The following LRBA variants were observed in gnomAD, a reference collection of about 807,000 sequenced individuals.
LRBA encodes lipopolysaccharide-responsive and beige-like anchor protein.
Under a neutral mutation model 330.0 loss-of-function variants are expected in LRBA, and 176 were observed. The observed-to-expected ratio is 0.53, with a 90% CI of 0.47 to 0.60. The LOEUF (loss-of-function observed/expected upper bound fraction) is 0.60. Among genes scored for constraint, LRBA ranks in the 20% least tolerant of loss-of-function variants. The pLI, the probability that LRBA is intolerant of heterozygous loss-of-function variation, is 0.00. For synonymous variants in LRBA, 1,230 were observed against 1,193.0 expected (o/e 1.03, Z -0.64); for missense variants, 3,259 against 3,444.8 (o/e 0.95, Z 1.35).
At chr4:150,871,973 A>G (rs753495204) in intron 18 of LRBA, among the ~76,000 whole-genome samples, 8 of 152,234 alleles carry the variant, frequency 5.3e-5, no homozygotes, top group Non-Finnish European at 1.0e-4. Context: ...CCTTGGGGTC[A>G]GCAAAGCTTT....
At chr4:150,314,370 C>T (rs1048749359) in intron 51 of LRBA, among the ~76,000 whole-genome samples, 8 of 151,834 alleles carry the variant, frequency 5.3e-5, no homozygotes, top group Admixed American at 2.6e-4. Context: ...TAGATAATTA[C>T]GTATTAGATT....
intron 2 of LRBA, among the ~76,000 whole-genome samples, chr4:150,932,280 C>T (rs1734591734): frequency 6.7e-6 from 1 of 149,252 alleles, no homozygotes; most frequent in African/African-American, 2.5e-5. Context: ...TCATTTGCAA[C>T]CCATATCATT....
At chr4:150,487,568 CT>C (rs1758028915) in intron 42 of LRBA, among the ~76,000 whole-genome samples, 163 bp downstream of exon 42, 2 of 150,648 alleles carry the variant, frequency 1.3e-5, no homozygotes, top group Non-Finnish European at 3.0e-5. Flanking sequence ...AAAGAAAATA[CT>C]AATAATCATT....
At chr4:150,609,785 T>C (rs1258098637) in intron 37 of LRBA, among the ~76,000 whole-genome samples, 1 of 152,124 alleles carries the variant, frequency 6.6e-6, no homozygotes, top group Admixed American at 6.5e-5. Context: ...AAGAACAGAC[T>C]TAAGCATGTT....
At chr4:150,709,023 A>C (rs1785921300) in intron 36 of LRBA, among the ~76,000 whole-genome samples, 1 of 151,830 alleles carries the variant, frequency 6.6e-6, no homozygotes. Context: ...AACAATGATA[A>C]TCACTAACAC....
chr4:150,718,590 G>A (rs927795660), intron 36 of LRBA, among the ~76,000 whole-genome samples: 24 of 151,976 alleles, frequency 1.6e-4, no homozygotes, highest in East Asian at 1.2e-3. Flanking sequence ...AAAAATATAC[G>A]TTTGCTCTCT....
At chr4:150,740,192 T>C (rs2127160095) in intron 35 of LRBA, among the ~76,000 whole-genome samples, 1 of 152,232 alleles carries the variant, frequency 6.6e-6, no homozygotes, top group East Asian at 1.9e-4. Flanking sequence ...TGGATTTAGA[T>C]AAACCTTAAA....
At position 150,487,449 on chromosome 4, in the gene LRBA, C is replaced by T. The variant is rs530340831; in HGVS notation, c.6551+283G>A. Among the ~76,000 whole-genome samples, 38 of 151,500 alleles carry T rather than the reference C, an allele frequency of 2.5e-4. No homozygotes were observed. The South Asian group carries it at 7.3e-3, about 29-fold the overall frequency. On this transcript the variant is annotated intron_variant, in intron 42 of 56. Coordinates refer to ENST00000651943, the MANE Select transcript of LRBA (RefSeq NM_001364905.1). ...TTAATGATTATTTGCTAAGTATATA[C>T]TCTGCTAGACACCATACCCTATGCT...
chr4:150,813,759 T>C (rs545070910), intron 31 of LRBA, among the ~76,000 whole-genome samples: 2 of 152,206 alleles, frequency 1.3e-5, no homozygotes, highest in African/African-American at 4.8e-5. Flanking sequence ...TGTGAATATA[T>C]AACAGAAAAT....
intron 40 of LRBA, among the ~76,000 whole-genome samples, chr4:150,559,921 A>AATATAT (rs1561352874): frequency 1.4e-5 from 1 of 70,100 alleles, no homozygotes; most frequent in Admixed American, 2.4e-4. Flanking sequence ...ATAATATATA[A>AATATAT]ATATAAATAT....
intron 53 of LRBA, among the ~76,000 whole-genome samples, chr4:150,295,660 T>C (rs1468691765): frequency 6.6e-6 from 1 of 152,240 alleles, no homozygotes; most frequent in Non-Finnish European, 1.5e-5. Flanking sequence ...TTCATACTTT[T>C]TCTATGCATA....
intron 2 of LRBA, among the ~76,000 whole-genome samples, chr4:150,950,133 T>C (rs2149541662): frequency 6.6e-6 from 1 of 152,270 alleles, no homozygotes; most frequent in Admixed American, 6.5e-5. Flanking sequence ...TTTGCATTTA[T>C]CTACAGTAAA....
At chr4:150,332,676 T>G (rs1734143533) in intron 48 of LRBA, among the ~76,000 whole-genome samples, 1 of 151,160 alleles carries the variant, frequency 6.6e-6, no homozygotes, top group East Asian at 1.9e-4. Context: ...AAAAGCTTGC[T>G]TTATTAAATA....
intron 16 of LRBA, among the ~76,000 whole-genome samples, chr4:150,893,638 C>T (rs769861670): frequency 4.6e-5 from 7 of 151,996 alleles, no homozygotes; most frequent in Non-Finnish European, 8.8e-5. Flanking sequence ...GTTGAGCCAC[C>T]GCACCTGACC....
intron 2 of LRBA, among the ~76,000 whole-genome samples, chr4:150,964,478 G>A (rs1258700633): frequency 6.7e-6 from 1 of 149,974 alleles, no homozygotes; most frequent in Non-Finnish European, 1.5e-5. Context: ...TTCTGTACTA[G>A]GAAAAATTCT....
intron 40 of LRBA, among the ~76,000 whole-genome samples, chr4:150,528,554 A>G (rs2152192273): frequency 6.6e-6 from 1 of 152,066 alleles, no homozygotes; most frequent in South Asian, 2.1e-4. Context: ...AAGTCTATAT[A>G]CAGTTTAAAG....
chr4:150,915,780 C>T lies in LRBA; in HGVS notation c.895-53G>A, dbSNP rs940106460. 43 of 1,444,958 alleles carry T rather than the reference C, an allele frequency of 3.0e-5. No individual in the cohort carries two copies. The African/African-American group carries it at 3.2e-4, about 11-fold the overall frequency. 89.5% of individuals were successfully genotyped at this position (1,444,958 alleles called of 1,614,324 possible). ...ACAAAGATAACAATTATCCCAATAA[C>T]GCAACCATACTGATGAGTAAAAGTT... On this transcript the variant is annotated intron_variant, in intron 7 of 56. Transcript: ENST00000651943.
At chr4:150,437,694 A>T (rs1050319772) in intron 44 of LRBA, among the ~76,000 whole-genome samples, 1 of 151,946 alleles carries the variant, frequency 6.6e-6, no homozygotes, top group African/African-American at 2.4e-5. Flanking sequence ...AATAATACTC[A>T]TTCAAAAGGT....
At chr4:150,270,430 A>G (rs936890698) in intron 56 of LRBA, among the ~76,000 whole-genome samples, 4 of 152,232 alleles carry the variant, frequency 2.6e-5, no homozygotes, top group African/African-American at 9.6e-5. Flanking sequence ...GAAATAAGCC[A>G]GGCACAACAC....
Sources: gnomAD v4.1 joint callset for allele counts (sites outside exome capture counted in the v4.1 genomes callset) on GRCh38, gnomAD v4.1.1 for gene constraint, MANE v1.5 for transcripts, NCBI Gene and HGNC (gene_info 2026-07-23, HGNC 2026-07-21) for gene names.